Variants in RPS6KC1 observed in about 807,000 individuals in gnomAD.
RPS6KC1 encodes ribosomal protein S6 kinase C1.
In RPS6KC1, 54 loss-of-function variants were observed where a neutral mutation model predicts 103.8. That is an observed-to-expected ratio of 0.52 (90% CI 0.42 to 0.65). RPS6KC1 has a LOEUF of 0.65. RPS6KC1 is among the 30% of genes least tolerant of loss of function. The pLI, the probability that RPS6KC1 is intolerant of heterozygous loss-of-function variation, is 0.00. For synonymous variants in RPS6KC1, 439 were observed against 438.7 expected, an observed-to-expected ratio of 1.00 and a Z score of -0.01; for missense variants, 1,151 against 1,253.8, an observed-to-expected ratio of 0.92 and a Z score of 1.24.
intron 1 of RPS6KC1, among the ~76,000 whole-genome samples, chr1:213,064,950 C>T: frequency 6.8e-6 from 1 of 146,048 alleles, no homozygotes; most frequent in East Asian, 2.0e-4. Flanking sequence ...GCTGGGATTA[C>T]AGGCGTGAGC....
the RPS6KC1 span, among the ~76,000 whole-genome samples, chr1:213,524,038 C>T: frequency 2.0e-5 from 3 of 152,116 alleles, no homozygotes; most frequent in African/African-American, 7.2e-5. Flanking sequence ...GAGCATAGGA[C>T]AGAAAGAGGA....
At chr1:213,336,346 T>G in the RPS6KC1 span, among the ~76,000 whole-genome samples, 963 of 152,326 alleles carry the variant, frequency 6.3e-3, 10 homozygotes, top group African/African-American at 0.02. Flanking sequence ...TATGAGTCAA[T>G]AAGTATGGCC....
intron 12 of RPS6KC1, among the ~76,000 whole-genome samples, chr1:213,250,619 T>C (rs1171800426): frequency 6.6e-6 from 1 of 152,222 alleles, no homozygotes; most frequent in Non-Finnish European, 1.5e-5. Context: ...TCTGTCTGAC[T>C]TGACTCATTT....
chr1:213,312,319 G>A, the RPS6KC1 span, among the ~76,000 whole-genome samples: 1 of 152,172 alleles, frequency 6.6e-6, no homozygotes, highest in East Asian at 1.9e-4. Flanking sequence ...GTGTCTGGGA[G>A]CAGAAAATGA....
At chr1:213,213,702 G>A (rs1178585836) in intron 8 of RPS6KC1, among the ~76,000 whole-genome samples, 2 of 152,106 alleles carry the variant, frequency 1.3e-5, no homozygotes, top group Non-Finnish European at 2.9e-5. Flanking sequence ...TAGGAATGAC[G>A]CTTTTGAATT....
At chr1:213,688,883 A>AGGAAAACAGACTTTCAGAAGCT in the RPS6KC1 span, among the ~76,000 whole-genome samples, 1 of 152,200 alleles carries the variant, frequency 6.6e-6, no homozygotes, top group Non-Finnish European at 1.5e-5. Flanking sequence ...GTCTGTTAGT[A>AGGAAAACAGACTTTCAGAAGCT]GGAAAACAGA....
At chr1:213,051,909 GT>G (rs1364428447) in intron 1 of RPS6KC1, among the ~76,000 whole-genome samples, 3 of 152,284 alleles carry the variant, frequency 2.0e-5, no homozygotes, top group Non-Finnish European at 4.4e-5. Flanking sequence ...AATATAAGTT[GT>G]TTTTTCTCTT....
chr1:213,831,136 G>A, the RPS6KC1 span, among the ~76,000 whole-genome samples: 8 of 152,192 alleles, frequency 5.3e-5, no homozygotes, highest in East Asian at 3.9e-4. Flanking sequence ...ACTTCCCTTC[G>A]TTCTCTCTGG....
At chr1:213,432,644 G>GC in the RPS6KC1 span, among the ~76,000 whole-genome samples, 1 of 151,810 alleles carries the variant, frequency 6.6e-6, no homozygotes, top group Admixed American at 6.6e-5. Context: ...ACCTTTCATA[G>GC]CCCCCCATCT....
At chr1:213,718,132 A>AT in the RPS6KC1 span, among the ~76,000 whole-genome samples, 4 of 152,178 alleles carry the variant, frequency 2.6e-5, no homozygotes, top group African/African-American at 7.2e-5. Flanking sequence ...TGAGCAAATT[A>AT]TTTTTTGCTA....
At chr1:213,754,796 T>C in the RPS6KC1 span, among the ~76,000 whole-genome samples, 1 of 152,314 alleles carries the variant, frequency 6.6e-6, no homozygotes, top group Admixed American at 6.5e-5. Context: ...TTCCAAATAC[T>C]ATCCCATTGG....
chr1:213,090,432 A>C lies in RPS6KC1; in HGVS notation c.262+12616A>C, dbSNP rs558828706. On this transcript the variant is annotated intron_variant, in intron 3 of 14. Transcript: ENST00000366960. ...ATATAAATAAGTTGAGCAAAATAAA[A>C]GTATGAGTTAAGATTTAAAAGGTAG... 3.9e-5 allele frequency among the ~76,000 whole-genome samples: 6 copies of C among 152,362 alleles called. No homozygotes were observed. In the South Asian group the frequency reaches 1.2e-3, roughly 32 times the overall value.
the RPS6KC1 span, among the ~76,000 whole-genome samples, chr1:213,360,906 C>A: frequency 1.3e-5 from 2 of 152,216 alleles, no homozygotes; most frequent in Non-Finnish European, 1.5e-5. Context: ...GCTGTCTGAT[C>A]ATTTCTCTGG....
chr1:213,386,577 T>C, the RPS6KC1 span, among the ~76,000 whole-genome samples: 3 of 152,226 alleles, frequency 2.0e-5, no homozygotes, highest in African/African-American at 7.2e-5. Flanking sequence ...TTGAAGACTT[T>C]GCAGGTCTTC....
the RPS6KC1 span, among the ~76,000 whole-genome samples, chr1:213,722,673 G>A: frequency 3.3e-4 from 51 of 152,284 alleles, no homozygotes; most frequent in Non-Finnish European, 6.2e-4. Context: ...GACACCATCC[G>A]TGTAATCAGC....
At chr1:213,286,176 A>G in the RPS6KC1 span, among the ~76,000 whole-genome samples, 8 of 152,180 alleles carry the variant, frequency 5.3e-5, no homozygotes, top group Admixed American at 3.3e-4. Flanking sequence ...AATGTATGAG[A>G]TGTTTTTATC....
chr1:213,440,795 C>T, the RPS6KC1 span, among the ~76,000 whole-genome samples: 1 of 152,018 alleles, frequency 6.6e-6, no homozygotes, highest in African/African-American at 2.4e-5. Flanking sequence ...GCTACATTTA[C>T]CTAGATCTTA....
chr1:213,541,247 T>C, the RPS6KC1 span, among the ~76,000 whole-genome samples: 1 of 140,356 alleles, frequency 7.1e-6, no homozygotes, highest in Non-Finnish European at 1.6e-5. Flanking sequence ...TTTTGCTGTC[T>C]TATATGGGTG....
the RPS6KC1 span, among the ~76,000 whole-genome samples, chr1:213,580,539 G>C: frequency 1.3e-5 from 2 of 152,014 alleles, no homozygotes; most frequent in African/African-American, 4.8e-5. Context: ...CTCTACTGTG[G>C]GTAAAATGCT....
Sources: gnomAD v4.1 joint callset for allele counts (sites outside exome capture counted in the v4.1 genomes callset) on GRCh38, gnomAD v4.1.1 for gene constraint, MANE v1.5 for transcripts, NCBI Gene and HGNC (gene_info 2026-07-23, HGNC 2026-07-21) for gene names.